Variants in SOX5 observed in about 807,000 individuals in gnomAD.
The protein encoded by SOX5 is transcription factor SOX-5.
SOX5 carries 9 observed loss-of-function variants against 92.0 expected under a neutral mutation model. The observed-to-expected ratio is 0.10, with a 90% CI of 0.06 to 0.17. The LOEUF is 0.17. Among genes scored for constraint, SOX5 ranks in the 10% least tolerant of loss-of-function variants. The probability of loss-of-function intolerance (pLI) is 1.00; values close to 1 mark genes in which losing one functional copy is unlikely to be tolerated. For synonymous variants in SOX5, 344 were observed against 336.3 expected, an observed-to-expected ratio of 1.02 and a Z score of -0.25; for missense variants, 642 against 944.5, an observed-to-expected ratio of 0.68 and a Z score of 4.20.
intron 14 of SOX5, 135 bp downstream of exon 14, chr12:23,536,317 CT>C: frequency 1.5e-6 from 1 of 685,132 alleles, no homozygotes; most frequent in Non-Finnish European, 2.5e-6. Context: ...ATGTGGGAGA[CT>C]ATTTGTCTCT....
chr12:24,190,079 C>T lies in SOX5; in HGVS notation c.-2+23264G>A, dbSNP rs532150267. On this transcript the variant is annotated intron_variant, in intron 4 of 4. Coordinates refer to the SOX5 transcript ENST00000446891. ...AAGTTTCATGTATTATTCACTGTCCCAGTTACAAATTTGTGCTTATTTTAG... is the reference window on the plus strand; with the variant it reads ...AAGTTTCATGTATTATTCACTGTCCTAGTTACAAATTTGTGCTTATTTTAG... 9.2e-5 allele frequency among the ~76,000 whole-genome samples: 14 copies of T among 152,226 alleles called. No individual in the cohort carries two copies. In the South Asian group the frequency reaches 2.7e-3, roughly 29 times the overall value.
chr12:23,971,530 AATAT>A (rs139288287), intron 4 of SOX5, among the ~76,000 whole-genome samples: 3 of 146,926 alleles, frequency 2.0e-5, no homozygotes, highest in African/African-American at 2.5e-5. Context: ...TCCACTTCAG[AATAT>A]ATATATATAT....
chr12:24,358,689 AG>A (rs1955164393), intron 2 of SOX5, among the ~76,000 whole-genome samples: 3 of 152,230 alleles, frequency 2.0e-5, no homozygotes, highest in Admixed American at 1.3e-4. Context: ...TATCAATAAA[AG>A]TGGAAGGTTA....
intron 1 of SOX5, among the ~76,000 whole-genome samples, chr12:24,373,941 C>T (rs762760781): frequency 2.0e-5 from 3 of 152,080 alleles, no homozygotes; most frequent in Non-Finnish European, 2.9e-5. Context: ...TCAGAGCTAA[C>T]CTTTGGAAAT....
rs372723159 is a variant in SOX5 at position 24,335,510 on chromosome 12, G to A, written c.-174+33053C>T. On this transcript the variant is annotated intron_variant, in intron 2 of 4. Transcript: ENST00000446891. The stretch of plus-strand genomic sequence containing the variant: ...GTACAGCATAGGAAACTGAAGATAA[G>A]TGAGATTAAGTTACTTGTTGGAGGT... Among the ~76,000 whole-genome samples the A allele has an allele frequency of 2.0e-3, 311 of 152,260 alleles. 1 individual carries two copies. Among genetic ancestry groups the A allele is most frequent in the African/African-American group, 7.1e-3 (294 of 41,556 alleles).
At chr12:24,421,823 G>T (rs910059424) in intron 1 of SOX5, among the ~76,000 whole-genome samples, 2 of 152,190 alleles carry the variant, frequency 1.3e-5, no homozygotes, top group African/African-American at 4.8e-5. Context: ...CTATCGGAAT[G>T]AGTTGAAGAA....
chr12:24,245,025 C>G (rs984777306), intron 3 of SOX5, among the ~76,000 whole-genome samples: 3 of 152,142 alleles, frequency 2.0e-5, no homozygotes, highest in African/African-American at 7.2e-5. Flanking sequence ...ATATCTGACT[C>G]ATGTTTCAGG....
chr12:23,756,801 C>G (rs1348997335), intron 3 of SOX5, among the ~76,000 whole-genome samples: 1 of 151,870 alleles, frequency 6.6e-6, no homozygotes, highest in African/African-American at 2.4e-5. Flanking sequence ...AAAGGGAGTA[C>G]ATGTTAACTT....
At chr12:24,465,913 T>A (rs750476995) in intron 1 of SOX5, among the ~76,000 whole-genome samples, 1 of 152,168 alleles carries the variant, frequency 6.6e-6, no homozygotes. Flanking sequence ...CACTTCCCCA[T>A]AGATGGGAAA....
chr12:24,464,565 T>C (rs1305340042), intron 1 of SOX5, among the ~76,000 whole-genome samples: 1 of 152,124 alleles, frequency 6.6e-6, no homozygotes, highest in Admixed American at 6.5e-5. Flanking sequence ...ATGTTCTCAA[T>C]CTCCTGACCT....
In SOX5 at chr12:23,715,096, A is replaced by G. The variant is rs375045865; in HGVS notation, c.810+19588T>C. ...GGGCGGATCACGAGGTCAGGAGATCAAGACCATCCTGGCTAACACTGTGAA... is the reference window on the plus strand; with the variant it reads ...GGGCGGATCACGAGGTCAGGAGATCGAGACCATCCTGGCTAACACTGTGAA... On this transcript the variant is annotated intron_variant, in intron 6 of 14. Transcript: ENST00000451604. Among the ~76,000 whole-genome samples the G allele has an allele frequency of 1.2e-4, 18 of 152,104 alleles. No homozygotes were observed. In the East Asian group the frequency reaches 2.9e-3, roughly 25 times the overall value.
chr12:24,217,924 A>C (rs905800207), intron 3 of SOX5, among the ~76,000 whole-genome samples: 4 of 152,220 alleles, frequency 2.6e-5, no homozygotes, highest in African/African-American at 9.6e-5. Flanking sequence ...AGCCACAATG[A>C]CATGCCACTA....
intron 1 of SOX5, among the ~76,000 whole-genome samples, chr12:24,383,582 T>C (rs541030082): frequency 6.6e-6 from 1 of 152,348 alleles, no homozygotes; most frequent in South Asian, 2.1e-4. Context: ...TCTCCCTTTG[T>C]CCAGCAAATC....
chr12:23,584,549 G>C, intron 9 of SOX5: 1 of 1,603,276 alleles, frequency 6.2e-7, no homozygotes, highest in Non-Finnish European at 8.5e-7. Context: ...TCACATACAT[G>C]CATGCACAGC....
intron 4 of SOX5, among the ~76,000 whole-genome samples, chr12:23,974,352 G>A (rs988749456): frequency 6.6e-6 from 1 of 151,872 alleles, no homozygotes; most frequent in Non-Finnish European, 1.5e-5. Context: ...TCTCTTTGAC[G>A]TACCAATATT....
At chr12:23,908,136 T>G (rs1254016905) in intron 1 of SOX5, among the ~76,000 whole-genome samples, 2 of 152,158 alleles carry the variant, frequency 1.3e-5, no homozygotes, top group Non-Finnish European at 2.9e-5. Flanking sequence ...GTTTAATTTA[T>G]TTAGGATCTA....
At chr12:23,914,221 T>C (rs1286556038) in intron 1 of SOX5, among the ~76,000 whole-genome samples, 1 of 152,178 alleles carries the variant, frequency 6.6e-6, no homozygotes, top group Non-Finnish European at 1.5e-5. Context: ...GTAAGTAAAA[T>C]GGATAAGCTG....
At chr12:24,248,577 G>A (rs921662015) in intron 3 of SOX5, among the ~76,000 whole-genome samples, 1 of 152,180 alleles carries the variant, frequency 6.6e-6, no homozygotes, top group African/African-American at 2.4e-5. Flanking sequence ...TAGAGACGGA[G>A]TTTTACCATG....
chr12:24,525,028 A>C (rs1160486024), intron 1 of SOX5, among the ~76,000 whole-genome samples: 1 of 152,232 alleles, frequency 6.6e-6, no homozygotes, highest in Non-Finnish European at 1.5e-5. Context: ...CATATTATCC[A>C]GTAGTTGCAC....
Sources: allele counts gnomAD v4.1 joint callset (sites outside exome capture counted in the v4.1 genomes callset), GRCh38; gene constraint gnomAD v4.1.1; transcripts MANE v1.5; gene names NCBI Gene and HGNC (gene_info 2026-07-23, HGNC 2026-07-21).